Variants in GMDS observed in about 807,000 individuals in gnomAD.
The protein encoded by GMDS is GDP-mannose 4,6 dehydratase.
Under a neutral mutation model 49.9 loss-of-function variants are expected in GMDS, and 20 were observed. The observed-to-expected ratio is 0.40, with a 90% CI of 0.28 to 0.58. GMDS has a LOEUF of 0.58. GMDS is among the 20% of genes least tolerant of loss of function. GMDS has a pLI of 0.42. For missense variants in GMDS, 362 were observed against 481.4 expected, an observed-to-expected ratio of 0.75 and a Z score of 2.32; for synonymous variants, 177 against 178.6, an observed-to-expected ratio of 0.99 and a Z score of 0.07.
chr6:2,173,583 A>C (rs1350137664), intron 1 of GMDS, among the ~76,000 whole-genome samples: 1 of 152,234 alleles, frequency 6.6e-6, no homozygotes, highest in African/African-American at 2.4e-5. Context: ...GTGGGCATAA[A>C]TTGAAGTTAT....
rs199605602 is a variant in GMDS at position 2,174,549 on chromosome 6, T to TTTTTGTTTTG, written c.103-49828_103-49819dup. Among the ~76,000 whole-genome samples the TTTTTGTTTTG allele has an allele frequency of 4.4e-4, 66 of 151,488 alleles. 2 individuals are homozygous for TTTTTGTTTTG. In the South Asian group the frequency reaches 0.013, roughly 30 times the overall value. The stretch of plus-strand genomic sequence containing the variant: ...AATAGAATTTAATGGTGCCTAGTTT[T>TTTTTGTTTTG]TTTTGTTTTGTTTTGTTTTGTTTTG... On this transcript the variant is annotated intron_variant, in intron 1 of 10. Coordinates refer to ENST00000380815, the MANE Select transcript of GMDS (RefSeq NM_001500.4).
intron 9 of GMDS, among the ~76,000 whole-genome samples, chr6:1,678,134 G>C (rs894368068): frequency 2.6e-5 from 4 of 151,898 alleles, no homozygotes; most frequent in African/African-American, 9.7e-5. Flanking sequence ...GCCTTAGGAG[G>C]GACCCCACAA....
intron 1 of GMDS, among the ~76,000 whole-genome samples, chr6:2,165,599 T>A (rs1777624792): frequency 6.6e-6 from 1 of 152,240 alleles, no homozygotes; most frequent in Non-Finnish European, 1.5e-5. Flanking sequence ...CCAGAATGTC[T>A]GACCAAATGT....
chr6:2,221,962 A>C (rs956518811), intron 1 of GMDS, among the ~76,000 whole-genome samples: 1 of 151,928 alleles, frequency 6.6e-6, no homozygotes, highest in Non-Finnish European at 1.5e-5. Context: ...TGAAAGTCAA[A>C]GGGCCGTAAA....
At chr6:2,006,971 T>C (rs1484049253) in intron 4 of GMDS, among the ~76,000 whole-genome samples, 1 of 152,232 alleles carries the variant, frequency 6.6e-6, no homozygotes, top group Non-Finnish European at 1.5e-5. Flanking sequence ...TGTCATATAA[T>C]TTCTTTTCTT....
chr6:2,137,744 C>T (rs919623430), intron 1 of GMDS, among the ~76,000 whole-genome samples: 2 of 152,186 alleles, frequency 1.3e-5, no homozygotes, highest in African/African-American at 2.4e-5. Context: ...GTGTAAAACT[C>T]GTCCAGGACT....
At chr6:1,806,148 A>G (rs537801677) in intron 7 of GMDS, among the ~76,000 whole-genome samples, 8 of 152,264 alleles carry the variant, frequency 5.3e-5, no homozygotes, top group East Asian at 3.9e-4. Context: ...AAAAGCTTTA[A>G]AAAGGTATCT....
At chr6:1,918,468 C>T (rs915728901) in intron 7 of GMDS, among the ~76,000 whole-genome samples, 4 of 152,050 alleles carry the variant, frequency 2.6e-5, no homozygotes, top group Non-Finnish European at 2.9e-5. Flanking sequence ...AGAATAAGGC[C>T]GGGCATGGTG....
At chr6:2,078,705 T>C (rs1346963885) in intron 4 of GMDS, among the ~76,000 whole-genome samples, 11 of 152,244 alleles carry the variant, frequency 7.2e-5, no homozygotes, top group African/African-American at 2.6e-4. Flanking sequence ...GAATATTCCA[T>C]GTGCTGATGA....
intron 9 of GMDS, among the ~76,000 whole-genome samples, chr6:1,712,072 C>A (rs7765461): frequency 0.87 from 131,849 of 152,182 alleles, 57,163 homozygotes; most frequent in Admixed American, 0.91. Flanking sequence ...TCTAAGATCA[C>A]GAGAAAACTG....
chr6:1,919,740 A>G (rs1028146876), intron 7 of GMDS, among the ~76,000 whole-genome samples: 2 of 152,198 alleles, frequency 1.3e-5, no homozygotes, highest in Non-Finnish European at 2.9e-5. Flanking sequence ...CCAAGTCCCC[A>G]GCCTATATTA....
chr6:2,162,328 C>T (rs910724396), intron 1 of GMDS, among the ~76,000 whole-genome samples: 1 of 152,104 alleles, frequency 6.6e-6, no homozygotes, highest in African/African-American at 2.4e-5. Context: ...AAGGAACTGA[C>T]TAGACAAGTT....
chr6:1,686,171 C>T (rs1764968990), intron 9 of GMDS, among the ~76,000 whole-genome samples: 1 of 152,206 alleles, frequency 6.6e-6, no homozygotes, highest in Non-Finnish European at 1.5e-5. Context: ...AGGAGCAGAA[C>T]TGAAGCCAGT....
At chr6:1,674,260 C>T (rs1157359356) in intron 9 of GMDS, among the ~76,000 whole-genome samples, 3 of 152,058 alleles carry the variant, frequency 2.0e-5, no homozygotes, top group Admixed American at 6.6e-5. Context: ...AGTTTAAATT[C>T]CCTAGTGACG....
chr6:1,969,261 C>CAAAAAAAAAAAAAAAAAAAAA (rs761741871), intron 4 of GMDS, among the ~76,000 whole-genome samples: 2 of 14,098 alleles, frequency 1.4e-4, no homozygotes, highest in South Asian at 3.4e-3. Flanking sequence ...GGCTCCATCT[C>CAAAAAAAAAAAAAAAAAAAAA]AAAAAAAAAA....
At chr6:1,669,688 G>A (rs1407027340) in intron 9 of GMDS, among the ~76,000 whole-genome samples, 6 of 151,894 alleles carry the variant, frequency 4.0e-5, no homozygotes, top group South Asian at 2.1e-4. Flanking sequence ...TGAGGCAGGC[G>A]GATCACTTGA....
At chr6:1,765,456 G>A (rs1466112679) in intron 7 of GMDS, among the ~76,000 whole-genome samples, 1 of 152,186 alleles carries the variant, frequency 6.6e-6, no homozygotes, top group African/African-American at 2.4e-5. Flanking sequence ...AGGCAAGAGT[G>A]AGCCCAGGAA....
intron 4 of GMDS, among the ~76,000 whole-genome samples, chr6:1,995,906 C>T (rs1402554482): frequency 6.6e-6 from 1 of 152,056 alleles, no homozygotes; most frequent in East Asian, 1.9e-4. Context: ...TTAACAATGC[C>T]CAGCTGGGTC....
chr6:1,935,023 G>A (rs988197816), intron 6 of GMDS, among the ~76,000 whole-genome samples: 2 of 152,202 alleles, frequency 1.3e-5, no homozygotes, highest in Admixed American at 1.3e-4. Flanking sequence ...GATGACCTAA[G>A]TGTTTGTGAA....
Sources: allele counts gnomAD v4.1 joint callset (sites outside exome capture counted in the v4.1 genomes callset), GRCh38; gene constraint gnomAD v4.1.1; transcripts MANE v1.5; gene names NCBI Gene and HGNC (gene_info 2026-07-23, HGNC 2026-07-21).